The following TRPC4AP variants were observed in gnomAD, a reference collection of about 807,000 sequenced individuals.
The protein encoded by TRPC4AP is transient receptor potential cation channel subfamily C member 4 associated protein.
In TRPC4AP, 45 loss-of-function variants were observed where a neutral mutation model predicts 99.0. That is an observed-to-expected ratio of 0.45 (90% CI 0.36 to 0.58). The LOEUF is 0.58. TRPC4AP is among the 20% of genes least tolerant of loss of function. The pLI is 0.00. For missense variants in TRPC4AP, 879 were observed against 985.3 expected, an observed-to-expected ratio of 0.89 and a Z score of 1.44; for synonymous variants, 408 against 385.8, an observed-to-expected ratio of 1.06 and a Z score of -0.67.
At chr20:35,007,684 C>T in intron 13 of TRPC4AP, 44 bp from the exon 14 acceptor site, 1 of 1,600,316 alleles carries the variant, frequency 6.2e-7, no homozygotes, top group Non-Finnish European at 8.6e-7. Flanking sequence ...CTGCCCTCTT[C>T]CGGCCCATGT....
At chr20:35,029,642 T>C (rs2083122636) in intron 8 of TRPC4AP, among the ~76,000 whole-genome samples, 1 of 128,488 alleles carries the variant, frequency 7.8e-6, no homozygotes, top group African/African-American at 2.9e-5. Flanking sequence ...TTTTTTTTTT[T>C]TTTTTTTTTT....
Position 35,003,403 on chromosome 20 carries a change from C to T in TRPC4AP, c.2256+7G>A. 6.2e-7 allele frequency: 1 copy of T among 1,613,844 alleles called. No individual in the cohort carries two copies. Among genetic ancestry groups the T allele is most frequent in the Non-Finnish European group, 8.5e-7 (1 of 1,179,950 alleles). ...ACCCATCACCCCCTTGAGGGTGGGG[C>T]ACTCACGTTCTCTAGGCAGGTGCTG... On this transcript the variant is annotated splice_region_variant and intron_variant, in intron 18 of 18. Coordinates refer to ENST00000252015, the MANE Select transcript of TRPC4AP (RefSeq NM_015638.3).
chr20:35,084,532 AT>A (rs2084754934), intron 1 of TRPC4AP, among the ~76,000 whole-genome samples: 1 of 148,136 alleles, frequency 6.8e-6, no homozygotes, highest in African/African-American at 2.5e-5. Flanking sequence ...GTATATATGT[AT>A]ATATGTATAT....
intron 3 of TRPC4AP, 90 bp from the exon 4 acceptor site, chr20:35,057,661 C>G (rs2083872741): frequency 9.5e-6 from 10 of 1,052,122 alleles, no homozygotes; most frequent in South Asian, 5.6e-5. Flanking sequence ...GCCCATGTAT[C>G]TGTCACAGTA....
intron 8 of TRPC4AP, among the ~76,000 whole-genome samples, chr20:35,034,733 T>G (rs1250924606): frequency 1.3e-5 from 2 of 152,142 alleles, no homozygotes; most frequent in Admixed American, 1.3e-4. Flanking sequence ...GGCAGTCTTC[T>G]GCCTAGTCCC....
At chr20:35,075,006 C>G (rs2084433486) in intron 2 of TRPC4AP, among the ~76,000 whole-genome samples, 1 of 152,018 alleles carries the variant, frequency 6.6e-6, no homozygotes, top group Non-Finnish European at 1.5e-5. Context: ...ATCCCTTTAC[C>G]ATTATGTAAT....
intron 6 of TRPC4AP, among the ~76,000 whole-genome samples, chr20:35,046,049 C>T (rs915238404): frequency 1.3e-5 from 2 of 152,142 alleles, no homozygotes; most frequent in African/African-American, 4.8e-5. Flanking sequence ...CTTACAGGTA[C>T]TCTCTGTGTA....
intron 8 of TRPC4AP, 119 bp from the exon 9 acceptor site, chr20:35,021,475 AAC>A: frequency 8.6e-7 from 1 of 1,158,976 alleles, no homozygotes; most frequent in Non-Finnish European, 1.2e-6. Flanking sequence ...ATGAGCCCAA[AAC>A]ACAGACTCTG....
Position 35,030,986 on chromosome 20 carries a change from C to T in TRPC4AP, c.1051+4137G>A, listed in dbSNP as rs146924519. On this transcript the variant is annotated intron_variant, in intron 8 of 18. Transcript: ENST00000252015. ...TTAATTTCCAGATGTTTGTCTGTTA[C>T]TAATGAGTTCTTTCAGTTTTTCTTT... 3.8e-3 allele frequency among the ~76,000 whole-genome samples: 584 copies of T among 152,286 alleles called. 3 individuals carry two copies. Among genetic ancestry groups the T allele is most frequent in the Admixed American group, 5.9e-3 (90 of 15,286 alleles).
rs531768774 is a variant in TRPC4AP at position 35,007,753 on chromosome 20, G to C, written c.1596-113C>G. On this transcript the variant is annotated intron_variant, in intron 13 of 18. Transcript: ENST00000252015. Reference sequence around the variant, plus strand: ...CCTTTTCATGTACTCAACATTTACTGAACATCTACCAAGCATCAGGCTTCA... The same window carrying C: ...CCTTTTCATGTACTCAACATTTACTCAACATCTACCAAGCATCAGGCTTCA... The C allele has an allele frequency of 3.3e-4, 351 of 1,054,284 alleles. 1 individual carries two copies. Among genetic ancestry groups the C allele is most frequent in the African/African-American group, 1.3e-3 (81 of 64,504 alleles). 65.3% of individuals were successfully genotyped at this position (1,054,284 alleles called of 1,614,324 possible).
intron 1 of TRPC4AP, among the ~76,000 whole-genome samples, chr20:35,082,158 A>G (rs2084664126): frequency 6.6e-6 from 1 of 152,222 alleles, no homozygotes; most frequent in Non-Finnish European, 1.5e-5. Flanking sequence ...AGGAGAAATA[A>G]GGAAATCCAT....
chr20:35,079,722 G>C (rs1024510284), intron 1 of TRPC4AP, among the ~76,000 whole-genome samples: 2 of 152,140 alleles, frequency 1.3e-5, no homozygotes, highest in Admixed American at 1.3e-4. Context: ...GGACTTCGAA[G>C]GATGATAAAG....
intron 1 of TRPC4AP, among the ~76,000 whole-genome samples, chr20:35,079,617 T>C (rs1359667835): frequency 6.6e-6 from 1 of 152,088 alleles, no homozygotes; most frequent in Non-Finnish European, 1.5e-5. Context: ...ATCAATACGA[T>C]TGATAAACTC....
chr20:35,054,965 G>A lies in TRPC4AP; in HGVS notation c.528+11C>T, dbSNP rs1462274934. ...GGAGATAAACAGAGCCCCAGTGGCA[G>A]GGGTACTTACACAGACACAGGTATT... On this transcript the variant is annotated intron_variant, in intron 5 of 18. Coordinates refer to ENST00000252015, the MANE Select transcript of TRPC4AP (RefSeq NM_015638.3). 2 of 1,611,336 alleles carry A rather than the reference G, an allele frequency of 1.2e-6. No homozygotes were observed. Among genetic ancestry groups the A allele is most frequent in the Non-Finnish European group, 1.7e-6 (2 of 1,178,138 alleles).
intron 2 of TRPC4AP, 138 bp downstream of exon 2, chr20:35,077,908 A>G: frequency 2.1e-6 from 2 of 962,204 alleles, no homozygotes; most frequent in Non-Finnish European, 3.0e-6. Context: ...ACTTTTTCTG[A>G]ATTTCTCAAA....
chr20:35,003,086 T>G lies in TRPC4AP; in HGVS notation c.*60A>C. The G allele has an allele frequency of 6.2e-7, 1 of 1,602,250 alleles. No homozygotes were observed. The highest frequency in any genetic ancestry group is 1.1e-5 in the South Asian group (1 of 89,950). On this transcript the variant is annotated 3_prime_UTR_variant, in exon 19 of 19. Coordinates refer to ENST00000252015, the MANE Select transcript of TRPC4AP (RefSeq NM_015638.3). ...AGGAACGGGAACAGGGCAGGGCGTG[T>G]GGCATCGTACCCACGCTCACCCACA...
chr20:35,008,708 A>G lies in TRPC4AP; in HGVS notation c.1551T>C (p.Arg517=). ...VCDGKRGLLT[R]LLQVMKKEPA... ...GCTCCTTCTTCATGACCTGCAGCAG[A>G]CGAGTTAATAAGCCCCTCTTCCCAT... is the stretch of plus-strand genomic sequence containing the variant. The change falls in exon 13 of 19, where the codon CGT becomes CGC. Residue 517 remains arginine (R), a synonymous_variant. Coordinates refer to ENST00000252015, the MANE Select transcript of TRPC4AP (RefSeq NM_015638.3). The G allele has an allele frequency of 6.2e-7, 1 of 1,614,070 alleles. No homozygotes were observed. Among genetic ancestry groups the G allele is most frequent in the South Asian group, 1.1e-5 (1 of 91,068 alleles).
chr20:35,029,746 C>T (rs1472683649), intron 8 of TRPC4AP, among the ~76,000 whole-genome samples: 2 of 146,382 alleles, frequency 1.4e-5, no homozygotes, highest in Non-Finnish European at 3.0e-5. Flanking sequence ...CGCCATTCTC[C>T]TGCCTCAGCC....
chr20:35,038,276 C>T (rs1436679786), intron 7 of TRPC4AP, among the ~76,000 whole-genome samples: 1 of 71,976 alleles, frequency 1.4e-5, no homozygotes, highest in Non-Finnish European at 3.0e-5. Flanking sequence ...GTTTGAGACA[C>T]CATTTTTTTT....
Sources: gnomAD v4.1 joint callset for allele counts (sites outside exome capture counted in the v4.1 genomes callset) on GRCh38, gnomAD v4.1.1 for gene constraint, MANE v1.5 for transcripts, NCBI Gene and HGNC (gene_info 2026-07-23, HGNC 2026-07-21) for gene names.